The following MYO5B variants were observed in gnomAD, a reference collection of about 807,000 sequenced individuals.
MYO5B encodes unconventional myosin-Vb.
Under a neutral mutation model 229.3 loss-of-function variants are expected in MYO5B, and 143 were observed. That is an observed-to-expected ratio of 0.62 (90% CI 0.54 to 0.72). MYO5B has a LOEUF of 0.72. MYO5B is among the 30% of genes least tolerant of loss of function. MYO5B has a pLI of 0.00. For synonymous variants in MYO5B, 918 were observed against 885.2 expected (o/e 1.04, Z -0.66); for missense variants, 2,321 against 2,331.0 (o/e 1.00, Z 0.09).
chr18:50,060,074 G>C (rs1423224607), intron 1 of MYO5B, among the ~76,000 whole-genome samples: 1 of 152,162 alleles, frequency 6.6e-6, no homozygotes. Context: ...TTGGAGCGAT[G>C]AAAGTGTTTT....
rs74757280 is a variant in MYO5B at position 49,972,719 on chromosome 18, T to C, written c.1322+1631A>G. Among the ~76,000 whole-genome samples the C allele has an allele frequency of 5.4e-3, 824 of 152,208 alleles. 5 individuals carry two copies. Among genetic ancestry groups the C allele is most frequent in the African/African-American group, 0.017 (716 of 41,520 alleles). ...TCAACACATAATTAATGATTGACAA[T>C]GAGACTGGAAGTTCCCAGAGAGCAC... On this transcript the variant is annotated intron_variant, in intron 10 of 39. Transcript: ENST00000285039.
chr18:50,052,464 C>G, intron 2 of MYO5B, among the ~76,000 whole-genome samples: 1 of 147,120 alleles, frequency 6.8e-6, no homozygotes, highest in Non-Finnish European at 1.5e-5. Flanking sequence ...GACAAAAAAC[C>G]AAACACCGCA....
At chr18:50,172,513 CATGCAGTGGGTGG>C (rs2032934406) in intron 1 of MYO5B, among the ~76,000 whole-genome samples, 1 of 152,190 alleles carries the variant, frequency 6.6e-6, no homozygotes, top group African/African-American at 2.4e-5. Flanking sequence ...GCAAGACTCT[CATGCAGTGGGTGG>C]ATGACTCTCC....
intron 18 of MYO5B, among the ~76,000 whole-genome samples, chr18:49,911,651 C>A (rs1031899031): frequency 2.0e-5 from 3 of 152,140 alleles, no homozygotes; most frequent in African/African-American, 4.8e-5. Context: ...CTGATCAGGG[C>A]CCAGTCACAA....
At chr18:49,882,282 T>C (rs1021607270) in intron 22 of MYO5B, among the ~76,000 whole-genome samples, 16 of 152,058 alleles carry the variant, frequency 1.1e-4, no homozygotes, top group Admixed American at 2.0e-4. Flanking sequence ...GACAACAAGT[T>C]TCACAGCCAC....
In MYO5B at chr18:49,837,502, G is replaced by A. The variant is rs767796633; in HGVS notation, c.5138+15C>T. 74 of 1,613,420 alleles carry A rather than the reference G, an allele frequency of 4.6e-5. No individual in the cohort carries two copies. The highest frequency in any genetic ancestry group is 5.5e-5 in the Non-Finnish European group (65 of 1,179,770). On this transcript the variant is annotated intron_variant, in intron 37 of 39. Transcript: ENST00000285039. ...CCCACTCTATCTGTGTTGTTGGGGG[G>A]TGCTCCTCCCTTACCTGAGTTGCAT...
chr18:50,045,409 T>C lies in MYO5B; in HGVS notation c.139-5095A>G, dbSNP rs183500424. On this transcript the variant is annotated intron_variant, in intron 2 of 39. Coordinates refer to ENST00000285039, the MANE Select transcript of MYO5B (RefSeq NM_001080467.3). ...GTTTGGAGTCCTGAGAGTTTTTCTT[T>C]TTGAGACAGAGTCTTGCTCTACTGC... Among the ~76,000 whole-genome samples, 431 of 152,282 alleles carry C rather than the reference T, an allele frequency of 2.8e-3. 3 individuals carry two copies. The highest frequency in any genetic ancestry group is 4.7e-3 in the Non-Finnish European group (319 of 68,008).
At chr18:50,044,043 T>G (rs970705198) in intron 2 of MYO5B, among the ~76,000 whole-genome samples, 1 of 152,028 alleles carries the variant, frequency 6.6e-6, no homozygotes, top group Non-Finnish European at 1.5e-5. Context: ...CAATAAAAAA[T>G]TTTTTTAAAA....
At chr18:49,946,471 G>GA (rs2025374171) in intron 14 of MYO5B, 1 of 152,136 alleles carries the variant, frequency 6.6e-6, no homozygotes, top group Non-Finnish European at 1.5e-5. Flanking sequence ...TGATCTGTAT[G>GA]AAAAATCACA....
chr18:50,102,661 C>A (rs2031678000), intron 1 of MYO5B, among the ~76,000 whole-genome samples: 1 of 152,166 alleles, frequency 6.6e-6, no homozygotes, highest in South Asian at 2.1e-4. Context: ...GGAGTATAGT[C>A]CCTAGACCAG....
chr18:50,003,155 T>C (rs572496680), intron 4 of MYO5B, among the ~76,000 whole-genome samples: 2 of 152,330 alleles, frequency 1.3e-5, no homozygotes, highest in East Asian at 1.9e-4. Context: ...TGAGCTGCTC[T>C]TCAAGGTCAG....
chr18:49,854,115 C>T (rs1276384819), intron 30 of MYO5B, among the ~76,000 whole-genome samples: 2 of 152,236 alleles, frequency 1.3e-5, no homozygotes, highest in African/African-American at 4.8e-5. Flanking sequence ...GGCAGATTCT[C>T]CACAAGTTTT....
chr18:50,120,875 C>G (rs2144530638), intron 1 of MYO5B, among the ~76,000 whole-genome samples: 1 of 152,284 alleles, frequency 6.6e-6, no homozygotes, highest in East Asian at 1.9e-4. Context: ...GAAAGCTGAC[C>G]TGCACGCCAT....
chr18:49,835,992 GA>G (rs999677499), intron 38 of MYO5B, among the ~76,000 whole-genome samples: 1 of 152,148 alleles, frequency 6.6e-6, no homozygotes. Flanking sequence ...AATGTTTGAA[GA>G]CTTTCTGGAA....
chr18:49,847,065 T>C (rs1331125672), intron 33 of MYO5B, 81 bp downstream of exon 33: 1 of 1,424,744 alleles, frequency 7.0e-7, no homozygotes, highest in East Asian at 2.6e-5. Context: ...GGAAGGGGTG[T>C]GGGGGTTGTG....
chr18:49,915,061 G>A (rs952032605), intron 17 of MYO5B, among the ~76,000 whole-genome samples: 5 of 152,140 alleles, frequency 3.3e-5, no homozygotes, highest in African/African-American at 1.2e-4. Flanking sequence ...TCTGGTGGAA[G>A]ATGTCTAACA....
intron 30 of MYO5B, 122 bp from the exon 31 acceptor site, chr18:49,853,769 C>T: frequency 1.1e-6 from 1 of 880,836 alleles, no homozygotes. Flanking sequence ...GCACATCCCC[C>T]AGAGGGATGA....
Position 50,160,813 on chromosome 18 carries a change from C to T in MYO5B, c.27+33954G>A, listed in dbSNP as rs540818980. ...TCAGCACATATCAACTCCCCTAGTC[C>T]CTCCACTCTCGATTCCCTACACAGT... On this transcript the variant is annotated intron_variant, in intron 1 of 39. Coordinates refer to ENST00000285039, the MANE Select transcript of MYO5B (RefSeq NM_001080467.3). Among the ~76,000 whole-genome samples, 23 of 152,276 alleles carry T rather than the reference C, an allele frequency of 1.5e-4. No homozygotes were observed. In the South Asian group the frequency reaches 4.8e-3, roughly 32 times the overall value.
chr18:50,148,783 A>T (rs1275935640), intron 1 of MYO5B, among the ~76,000 whole-genome samples: 2 of 151,736 alleles, frequency 1.3e-5, no homozygotes. Flanking sequence ...CAAGACAGGG[A>T]TGCCCTCTCT....
Sources: allele counts gnomAD v4.1 joint callset (sites outside exome capture counted in the v4.1 genomes callset), GRCh38; gene constraint gnomAD v4.1.1; transcripts MANE v1.5; gene names NCBI Gene and HGNC (gene_info 2026-07-23, HGNC 2026-07-21).